Variants in CNTN5 observed in about 807,000 individuals in gnomAD.
The protein encoded by CNTN5 is contactin-5.
In CNTN5, 77 loss-of-function variants were observed where a neutral mutation model predicts 129.1. The ratio of observed to expected loss-of-function variants is 0.60; its 90% CI spans 0.50 to 0.72. The LOEUF is 0.72. CNTN5 is among the 30% of genes least tolerant of loss of function. CNTN5 has a pLI of 0.00. For synonymous variants in CNTN5, 509 were observed against 465.6 expected (o/e 1.09, Z -1.20); for missense variants, 1,478 against 1,328.8 (o/e 1.11, Z -1.75).
At chr11:99,822,294 G>A (rs926370622) in intron 4 of CNTN5, among the ~76,000 whole-genome samples, 7 of 152,258 alleles carry the variant, frequency 4.6e-5, no homozygotes, top group African/African-American at 1.7e-4. Context: ...ATACAAGTAC[G>A]AGGAAATAAA....
chr11:99,235,166 T>C (rs1861203158), intron 1 of CNTN5, among the ~76,000 whole-genome samples: 1 of 152,062 alleles, frequency 6.6e-6, no homozygotes, highest in Admixed American at 6.6e-5. Flanking sequence ...CAATCAATCT[T>C]GTATGTTCTT....
chr11:99,166,077 T>C (rs1027114089), intron 1 of CNTN5, among the ~76,000 whole-genome samples: 2 of 152,166 alleles, frequency 1.3e-5, no homozygotes, highest in Non-Finnish European at 2.9e-5. Context: ...GCCTGAACTA[T>C]ATTTGGTTCC....
intron 2 of CNTN5, among the ~76,000 whole-genome samples, chr11:99,377,306 C>T (rs1280526541): frequency 2.0e-5 from 3 of 151,846 alleles, no homozygotes; most frequent in African/African-American, 4.8e-5. Context: ...ATAGAGTGGT[C>T]TTGTTTTTGC....
chr11:99,557,987 C>T (rs1413293914), intron 3 of CNTN5, among the ~76,000 whole-genome samples: 1 of 151,624 alleles, frequency 6.6e-6, no homozygotes. Flanking sequence ...ATTATACGTT[C>T]AACACGTTGC....
rs1298849257 is a variant in CNTN5 at position 100,350,816 on chromosome 11, A to G, written c.3145A>G (p.Ser1049Gly). Residue 1049 changes from serine (S) to glycine (G), a missense_variant, in exon 24 of 25, where the codon AGT (serine) becomes GGT (glycine). By Grantham distance (56) the Ser-to-Gly change is moderately conservative (BLOSUM62 0). Coordinates refer to ENST00000524871, the MANE Select transcript of CNTN5 (RefSeq NM_014361.4). Reference sequence around the variant, plus strand: ...CTATATTATTGAAGTTCGAGCATATAGTGAAGGAGGAGATGGAACAGCTAG... The same window carrying G: ...CTATATTATTGAAGTTCGAGCATATGGTGAAGGAGGAGATGGAACAGCTAG... ...GVYIIEVRAY[S>G]EGGDGTASSQ... The G allele has an allele frequency of 6.2e-7, 1 of 1,606,594 alleles. No homozygotes were observed. The highest frequency in any genetic ancestry group is 8.5e-7 in the Non-Finnish European group (1 of 1,175,366).
intron 16 of CNTN5, among the ~76,000 whole-genome samples, chr11:100,249,871 A>G (rs966181947): frequency 6.6e-6 from 1 of 152,144 alleles, no homozygotes; most frequent in Non-Finnish European, 1.5e-5. Flanking sequence ...GCCAGGCAGC[A>G]TTCAGTATAT....
chr11:99,063,290 T>C lies in CNTN5; in HGVS notation c.-210+42020T>C, dbSNP rs540688236. 3.3e-5 allele frequency among the ~76,000 whole-genome samples: 5 copies of C among 152,160 alleles called. No individual in the cohort carries two copies. In the East Asian group the frequency reaches 9.7e-4, roughly 29 times the overall value. ...TGCTTCTCTTTCAGCTGGCAAGAGA[T>C]TTAGGCTGTATGTAAAGCCAGGTGG... On this transcript the variant is annotated intron_variant, in intron 1 of 24. Transcript: ENST00000524871.
At chr11:99,896,608 A>C (rs888592084) in intron 6 of CNTN5, among the ~76,000 whole-genome samples, 1 of 152,168 alleles carries the variant, frequency 6.6e-6, no homozygotes, top group Non-Finnish European at 1.5e-5. Flanking sequence ...TATTCCTCTA[A>C]GAGCCCAGTT....
chr11:99,387,371 A>G (rs1940980986), intron 2 of CNTN5, among the ~76,000 whole-genome samples: 1 of 152,182 alleles, frequency 6.6e-6, no homozygotes. Context: ...TTTTGATACC[A>G]TACTGAAATG....
At chr11:99,216,739 A>G (rs1196914273) in intron 1 of CNTN5, among the ~76,000 whole-genome samples, 2 of 152,130 alleles carry the variant, frequency 1.3e-5, no homozygotes, top group African/African-American at 4.8e-5. Flanking sequence ...CCTGAATAAG[A>G]CTTCAAAAAA....
chr11:99,926,577 GA>G (rs1212588088), intron 7 of CNTN5, among the ~76,000 whole-genome samples: 2 of 151,948 alleles, frequency 1.3e-5, no homozygotes, highest in African/African-American at 2.4e-5. Context: ...ACAAGTACAA[GA>G]AAAATGGACA....
At chr11:99,068,443 T>G (rs1456347032) in intron 1 of CNTN5, among the ~76,000 whole-genome samples, 1 of 151,922 alleles carries the variant, frequency 6.6e-6, no homozygotes, top group South Asian at 2.1e-4. Context: ...TGGTCTAGAG[T>G]AGAGAAAGAT....
In CNTN5 at chr11:99,833,537, T is replaced by C. The variant is rs74463243; in HGVS notation, c.278-11315T>C. 5.4e-3 allele frequency among the ~76,000 whole-genome samples: 828 copies of C among 152,336 alleles called. 6 individuals carry two copies. The highest frequency in any genetic ancestry group is 0.019 in the African/African-American group (783 of 41,588). ...GCTTAACTGGAGACTAATGTGAGTG[T>C]TCTGAACAACTTTAAAGTAGGCTAG... On this transcript the variant is annotated intron_variant, in intron 4 of 24. Coordinates refer to ENST00000524871, the MANE Select transcript of CNTN5 (RefSeq NM_014361.4).
intron 13 of CNTN5, among the ~76,000 whole-genome samples, chr11:100,170,905 C>CTTTTTAT (rs779584615): frequency 1.4e-5 from 2 of 140,224 alleles, no homozygotes; most frequent in African/African-American, 5.6e-5. Flanking sequence ...AAAAAAAAAA[C>CTTTTTAT]TTTTTATTTA....
Position 99,909,767 on chromosome 11 carries a change from C to G in CNTN5, c.578-6287C>G, listed in dbSNP as rs1248232056. Among the ~76,000 whole-genome samples the G allele has an allele frequency of 6.0e-5, 9 of 151,148 alleles. No homozygotes were observed. The East Asian group carries it at 1.8e-3, about 30-fold the overall frequency. On this transcript the variant is annotated intron_variant, in intron 6 of 24. Transcript: ENST00000524871. ...ATAGGTGGGAATTGAACAATGAGAA[C>G]ACATGGACACAGGAAGGGGAACATC... is the stretch of plus-strand genomic sequence containing the variant.
intron 7 of CNTN5, among the ~76,000 whole-genome samples, chr11:99,929,387 G>T (rs1432326814): frequency 6.6e-6 from 1 of 152,024 alleles, no homozygotes; most frequent in Non-Finnish European, 1.5e-5. Context: ...ACATTTTTGG[G>T]TATCCTTTCA....
intron 21 of CNTN5, among the ~76,000 whole-genome samples, chr11:100,315,797 T>A (rs2138944606): frequency 6.6e-6 from 1 of 152,336 alleles, no homozygotes; most frequent in African/African-American, 2.4e-5. Flanking sequence ...CATTTGTAAA[T>A]TTTGGTTACC....
In CNTN5 at chr11:99,938,181, T is replaced by C. The variant is rs115845410; in HGVS notation, c.674-18625T>C. ...TATAGCTTCCAAATCTGTAGGTTCA[T>C]AGGACAAGTGACTCCCTATGCTTGG... On this transcript the variant is annotated intron_variant, in intron 7 of 24. Transcript: ENST00000524871. 6.0e-3 allele frequency among the ~76,000 whole-genome samples: 918 copies of C among 152,296 alleles called. 9 individuals are homozygous for C. Among genetic ancestry groups the C allele is most frequent in the African/African-American group, 0.021 (864 of 41,570 alleles).
intron 6 of CNTN5, among the ~76,000 whole-genome samples, chr11:99,914,599 A>G (rs778006702): frequency 2.6e-5 from 4 of 152,102 alleles, no homozygotes; most frequent in Non-Finnish European, 5.9e-5. Context: ...ATATATTTTT[A>G]AAGTAACAAT....
Sources: gnomAD v4.1 joint callset for allele counts (sites outside exome capture counted in the v4.1 genomes callset) on GRCh38, gnomAD v4.1.1 for gene constraint, MANE v1.5 for transcripts, NCBI Gene and HGNC (gene_info 2026-07-23, HGNC 2026-07-21) for gene names.